EPB41L5: variants seen among roughly 807,000 people sequenced by gnomAD.
EPB41L5 encodes the protein erythrocyte membrane protein band 4.1 like 5, also known as band 4.1-like protein 5.
In EPB41L5, 55 loss-of-function variants were observed where a neutral mutation model predicts 106.6. That is an observed-to-expected ratio of 0.52 (90% confidence interval 0.42 to 0.65). The LOEUF (loss-of-function observed/expected upper bound fraction) is 0.65. EPB41L5 is among the 30% of genes least tolerant of loss of function. The pLI is 0.00. For missense variants in EPB41L5, 871 were observed against 882.1 expected (o/e 0.99, Z 0.16); for synonymous variants, 297 against 306.7 (o/e 0.97, Z 0.33).
Position 120,127,714 on chromosome 2 carries a change from A to C in EPB41L5, c.1364A>C (p.Asn455Thr). The change falls in exon 17 of 25, where the codon AAT (asparagine) becomes ACT (threonine). Residue 455 changes from asparagine (N) to threonine (T), a missense_variant. Asn to Thr is a moderately conservative substitution (Grantham distance 65, BLOSUM62 0). Transcript: ENST00000263713. ...ATTCCTCTGAATATTGATTTGCTGA[A>C]TAGCCCAGACTTATTGGAAGCAACG... ...KCIPLNIDLLNSPDLLEATIG... is the reference protein window; with the variant it reads ...KCIPLNIDLLTSPDLLEATIG... 1 of 1,609,118 alleles carries C rather than the reference A, an allele frequency of 6.2e-7. No individual in the cohort carries two copies. Among genetic ancestry groups the C allele is most frequent in the Non-Finnish European group, 8.5e-7 (1 of 1,176,802 alleles).
At chr2:120,134,877 C>T (rs895005444) in intron 18 of EPB41L5, among the ~76,000 whole-genome samples, 3 of 151,958 alleles carry the variant, frequency 2.0e-5, no homozygotes, top group Non-Finnish European at 2.9e-5. Flanking sequence ...ACAATAAATA[C>T]CCAACTCTTT....
At chr2:120,051,547 C>A (rs574741772) in intron 3 of EPB41L5, among the ~76,000 whole-genome samples, 1 of 152,110 alleles carries the variant, frequency 6.6e-6, no homozygotes, top group Admixed American at 6.6e-5. Flanking sequence ...TTCCAGGTGC[C>A]GCCTGTATTA....
At chr2:120,128,256 AACACACACAC>A (rs3084679) in intron 17 of EPB41L5, among the ~76,000 whole-genome samples, 66 of 145,346 alleles carry the variant, frequency 4.5e-4, no homozygotes, top group Non-Finnish European at 7.5e-4. Context: ...GGTGCTTTAA[AACACACACAC>A]ACACACACAC....
Position 120,168,016 on chromosome 2 carries a change from A to C in EPB41L5, c.2135+9A>C, listed in dbSNP as rs1244585038. On this transcript the variant is annotated intron_variant, in intron 24 of 24. Transcript: ENST00000263713. ...GTAGATGCTGTGACCAGGTGAGAAAATTATTTCTCATTTGCAGTTCTTAGG... is the reference window on the plus strand; with the variant it reads ...GTAGATGCTGTGACCAGGTGAGAAACTTATTTCTCATTTGCAGTTCTTAGG... 2 of 1,613,784 alleles carry C rather than the reference A, an allele frequency of 1.2e-6. No individual in the cohort carries two copies. Among genetic ancestry groups the C allele is most frequent in the Non-Finnish European group, 1.7e-6 (2 of 1,179,748 alleles).
intron 1 of EPB41L5, among the ~76,000 whole-genome samples, chr2:120,017,077 G>A (rs966902950): frequency 2.6e-5 from 4 of 152,150 alleles, no homozygotes; most frequent in African/African-American, 9.7e-5. Context: ...GGATTTTATC[G>A]GGTTTATAAA....
In EPB41L5 at chr2:120,155,800, TA is replaced by T. The variant is rs565011386; in HGVS notation, c.1794-5069del. Among the ~76,000 whole-genome samples, 1,264 of 145,256 alleles carry T rather than the reference TA, an allele frequency of 8.7e-3. 10 individuals are homozygous for T. Among genetic ancestry groups the T allele is most frequent in the African/African-American group, 0.026 (1,046 of 39,922 alleles). On this transcript the variant is annotated intron_variant, in intron 20 of 24. Coordinates refer to ENST00000263713, the MANE Select transcript of EPB41L5 (RefSeq NM_020909.4). ...TGAAATCCTCTAGTGATTTTTTTAT[TA>T]AAAAAAAAAAATGGAGACACAGAAG...
chr2:120,152,433 G>A lies in EPB41L5; in HGVS notation c.1793+6144G>A, dbSNP rs534279810. The stretch of plus-strand genomic sequence containing the variant: ...TGATAACATTTTTTTTAGGACTTTT[G>A]TATATATATTCATCAGGGATATTGG... On this transcript the variant is annotated intron_variant, in intron 20 of 24. Coordinates refer to ENST00000263713, the MANE Select transcript of EPB41L5 (RefSeq NM_020909.4). Among the ~76,000 whole-genome samples, 172 of 152,034 alleles carry A rather than the reference G, an allele frequency of 1.1e-3. 1 individual carries two copies. Among genetic ancestry groups the A allele is most frequent in the African/African-American group, 3.9e-3 (162 of 41,476 alleles).
At chr2:120,169,049 C>CTGTA (rs1687546440) in intron 24 of EPB41L5, among the ~76,000 whole-genome samples, 1 of 152,112 alleles carries the variant, frequency 6.6e-6, no homozygotes, top group Non-Finnish European at 1.5e-5. Context: ...AGGACTTTCA[C>CTGTA]ATTAAAAATT....
In EPB41L5 at chr2:120,146,290, G is replaced by A; in HGVS notation, c.1793+1G>A. 1 of 1,604,906 alleles carries A rather than the reference G, an allele frequency of 6.2e-7. No homozygotes were observed. Among genetic ancestry groups the A allele is most frequent in the African/African-American group, 1.3e-5 (1 of 74,762 alleles). Reference sequence around the variant, plus strand: ...ATGTTCAGGATGCTGCCACAAACAGGTACAGTTCTGGGTAGACTGAATTAA... The same window carrying A: ...ATGTTCAGGATGCTGCCACAAACAGATACAGTTCTGGGTAGACTGAATTAA... On this transcript the variant is annotated splice_donor_variant, in intron 20 of 24. Transcript: ENST00000263713. LOFTEE classifies it high-confidence loss of function.
chr2:120,075,245 AAAG>A (rs1214763688), intron 5 of EPB41L5, among the ~76,000 whole-genome samples: 31 of 152,372 alleles, frequency 2.0e-4, no homozygotes, highest in African/African-American at 7.2e-4. Flanking sequence ...TTTCTAGCAT[AAAG>A]AAGAGAAAAA....
intron 10 of EPB41L5, among the ~76,000 whole-genome samples, chr2:120,080,903 T>G (rs1296364527): frequency 1.3e-5 from 2 of 152,244 alleles, no homozygotes; most frequent in African/African-American, 2.4e-5. Context: ...CATAAATGTC[T>G]TCTTTTGCGA....
At chr2:120,156,403 CT>C (rs1380691326) in intron 20 of EPB41L5, among the ~76,000 whole-genome samples, 5 of 152,224 alleles carry the variant, frequency 3.3e-5, no homozygotes, top group African/African-American at 9.6e-5. Flanking sequence ...CAGCTTCCCC[CT>C]GGGGCTACAG....
intron 2 of EPB41L5, among the ~76,000 whole-genome samples, chr2:120,034,258 C>A (rs1312429763): frequency 6.6e-6 from 1 of 152,202 alleles, no homozygotes; most frequent in African/African-American, 2.4e-5. Flanking sequence ...CCCATTCTTT[C>A]TCACCTTAGA....
At chr2:120,146,126 A>G in intron 19 of EPB41L5, 99 bp from the exon 20 acceptor site, 1 of 737,620 alleles carries the variant, frequency 1.4e-6, no homozygotes, top group Non-Finnish European at 2.3e-6. Flanking sequence ...TAATTAAAGC[A>G]AACTGATATT....
intron 24 of EPB41L5, among the ~76,000 whole-genome samples, chr2:120,169,594 G>GTC (rs1257672844): frequency 6.6e-6 from 1 of 152,010 alleles, no homozygotes; most frequent in Non-Finnish European, 1.5e-5. Flanking sequence ...CCCTCCTTCT[G>GTC]TCTCTCTCTC....
At chr2:120,121,829 C>T (rs893275945) in intron 16 of EPB41L5, among the ~76,000 whole-genome samples, 2 of 152,224 alleles carry the variant, frequency 1.3e-5, no homozygotes, top group Non-Finnish European at 2.9e-5. Flanking sequence ...TCCACATCCT[C>T]TCCAGCATCT....
At chr2:120,032,717 G>T (rs913545373) in intron 2 of EPB41L5, among the ~76,000 whole-genome samples, 3 of 152,130 alleles carry the variant, frequency 2.0e-5, no homozygotes, top group Admixed American at 6.5e-5. Flanking sequence ...GCCCGGTTTT[G>T]AATATAGAAT....
chr2:120,055,679 TA>T (rs1457075551), intron 3 of EPB41L5, among the ~76,000 whole-genome samples: 1 of 152,050 alleles, frequency 6.6e-6, no homozygotes, highest in African/African-American at 2.4e-5. Context: ...CTTCCTTGGT[TA>T]AATTTATTCC....
At chr2:120,078,718 C>T in intron 10 of EPB41L5, 137 bp downstream of exon 10, 1 of 555,636 alleles carries the variant, frequency 1.8e-6, no homozygotes, top group Non-Finnish European at 3.2e-6. Flanking sequence ...TCCTGTCACA[C>T]TATTACGCAT....
Sources: allele counts gnomAD v4.1 joint callset (sites outside exome capture counted in the v4.1 genomes callset), GRCh38; gene constraint gnomAD v4.1.1; transcripts MANE v1.5; gene names NCBI Gene and HGNC (gene_info 2026-07-23, HGNC 2026-07-21).